The following DLC1 variants were observed in gnomAD, a reference collection of about 807,000 sequenced individuals.
DLC1 encodes rho GTPase-activating protein 7.
Under a neutral mutation model 140.3 loss-of-function variants are expected in DLC1, and 54 were observed. The observed-to-expected ratio is 0.38, with a 90% CI of 0.31 to 0.48. The LOEUF (loss-of-function observed/expected upper bound fraction) is 0.48, where lower values mean the gene tolerates loss of function less well. Among genes scored for constraint, DLC1 ranks in the 20% least tolerant of loss-of-function variants. The probability of loss-of-function intolerance (pLI) is 0.96; values close to 1 mark genes in which losing one functional copy is unlikely to be tolerated. For missense variants in DLC1, 2,536 were observed against 1,907.0 expected (o/e 1.33, Z -6.14); for synonymous variants, 986 against 728.1 (o/e 1.35, Z -5.70).
intron 2 of DLC1, among the ~76,000 whole-genome samples, chr8:13,417,844 C>G (rs1838143358): frequency 6.6e-6 from 1 of 152,042 alleles, no homozygotes; most frequent in Non-Finnish European, 1.5e-5. Flanking sequence ...AAAAGTGTTC[C>G]TATTTCTCCA....
rs150394013 is a variant in DLC1 at position 13,235,214 on chromosome 8, T to C, written c.1348+70055A>G. Among the ~76,000 whole-genome samples the C allele has an allele frequency of 2.3e-3, 343 of 152,206 alleles. 4 individuals carry two copies. The highest frequency in any genetic ancestry group is 5.9e-4 in the Non-Finnish European group (40 of 67,924). On this transcript the variant is annotated intron_variant, in intron 5 of 17. Coordinates refer to ENST00000276297, the MANE Select transcript of DLC1 (RefSeq NM_182643.3). Reference sequence around the variant, plus strand: ...AGGTATGATTATCTTTTACTTCTATTTGGCAGGTGAAAATGAACTACCTAG... The same window carrying C: ...AGGTATGATTATCTTTTACTTCTATCTGGCAGGTGAAAATGAACTACCTAG...
chr8:13,139,146 A>G (rs1822779727), intron 5 of DLC1, among the ~76,000 whole-genome samples: 1 of 151,830 alleles, frequency 6.6e-6, no homozygotes, highest in African/African-American at 2.4e-5. Context: ...AAAAACAATT[A>G]GCTGGGCATG....
chr8:13,394,797 A>T (rs1013564850), intron 3 of DLC1, among the ~76,000 whole-genome samples: 7 of 152,142 alleles, frequency 4.6e-5, no homozygotes, highest in African/African-American at 1.7e-4. Context: ...TGGTGTCTAC[A>T]GGAGGGACTA....
At chr8:13,143,948 G>T (rs7821948) in intron 5 of DLC1, among the ~76,000 whole-genome samples, 3 of 152,228 alleles carry the variant, frequency 2.0e-5, no homozygotes, top group East Asian at 3.9e-4. Flanking sequence ...TTTAAGAGAG[G>T]CTGACCCCAG....
intron 5 of DLC1, among the ~76,000 whole-genome samples, chr8:13,121,545 G>C (rs1821070268): frequency 6.6e-6 from 1 of 152,008 alleles, no homozygotes; most frequent in African/African-American, 2.4e-5. Context: ...GCGCTGGGGA[G>C]TTTTCTTTTC....
At chr8:13,513,604 T>A (rs943745588) in intron 1 of DLC1, among the ~76,000 whole-genome samples, 1 of 152,194 alleles carries the variant, frequency 6.6e-6, no homozygotes, top group African/African-American at 2.4e-5. Context: ...TTATGTACCA[T>A]TTTATTTCTA....
intron 5 of DLC1, among the ~76,000 whole-genome samples, chr8:13,131,433 C>A (rs1248719931): frequency 6.6e-6 from 1 of 152,214 alleles, no homozygotes; most frequent in Non-Finnish European, 1.5e-5. Context: ...TGCCACCAGC[C>A]TAGGCTGCAT....
At chr8:13,263,966 T>C (rs1200977480) in intron 5 of DLC1, among the ~76,000 whole-genome samples, 2 of 151,992 alleles carry the variant, frequency 1.3e-5, no homozygotes, top group African/African-American at 4.8e-5. Context: ...AAGCACATAG[T>C]TGGAAACAAC....
intron 4 of DLC1, among the ~76,000 whole-genome samples, chr8:13,390,066 A>T (rs1397487599): frequency 6.6e-6 from 1 of 152,170 alleles, no homozygotes; most frequent in African/African-American, 2.4e-5. Flanking sequence ...AAATTGTGGG[A>T]GAAAGTATCT....
At chr8:13,250,357 G>A (rs986300278) in intron 5 of DLC1, among the ~76,000 whole-genome samples, 7 of 152,130 alleles carry the variant, frequency 4.6e-5, no homozygotes, top group African/African-American at 1.7e-4. Flanking sequence ...GTTGAAGTCA[G>A]CTGGCCCACA....
intron 2 of DLC1, among the ~76,000 whole-genome samples, chr8:13,442,048 T>C (rs898272328): frequency 2.0e-5 from 3 of 152,082 alleles, no homozygotes; most frequent in Non-Finnish European, 4.4e-5. Context: ...GAAATAATGC[T>C]GCATATCTAC....
chr8:13,427,080 T>C (rs998132389), intron 2 of DLC1, among the ~76,000 whole-genome samples: 1 of 152,182 alleles, frequency 6.6e-6, no homozygotes, highest in Non-Finnish European at 1.5e-5. Flanking sequence ...CTTGTTTTGT[T>C]TTGTCATTTT....
Position 13,204,302 on chromosome 8 carries a change from C to T in DLC1, c.1349-88645G>A, listed in dbSNP as rs371393768. On this transcript the variant is annotated intron_variant, in intron 5 of 17. Coordinates refer to ENST00000276297, the MANE Select transcript of DLC1 (RefSeq NM_182643.3). ...AAAACAGAGAGACGGAGTGCAAAACCAAACTCTGAAAAGAGCAGCTGTCTT... is the reference window on the plus strand; with the variant it reads ...AAAACAGAGAGACGGAGTGCAAAACTAAACTCTGAAAAGAGCAGCTGTCTT... 1.1e-4 allele frequency among the ~76,000 whole-genome samples: 17 copies of T among 152,216 alleles called. No homozygotes were observed. In the South Asian group the frequency reaches 3.5e-3, roughly 32 times the overall value.
chr8:13,474,915 G>C (rs1487196489), intron 2 of DLC1, among the ~76,000 whole-genome samples: 1 of 152,184 alleles, frequency 6.6e-6, no homozygotes, highest in East Asian at 1.9e-4. Context: ...CACTTGCCTT[G>C]TCTCAGATGA....
intron 1 of DLC1, among the ~76,000 whole-genome samples, chr8:13,531,191 A>T (rs1803085373): frequency 6.6e-6 from 1 of 152,174 alleles, no homozygotes; most frequent in African/African-American, 2.4e-5. Context: ...AACTGTGAGA[A>T]ATAAATGTCT....
chr8:13,256,839 T>C (rs2117309745), intron 5 of DLC1, among the ~76,000 whole-genome samples: 1 of 144,692 alleles, frequency 6.9e-6, no homozygotes, highest in Admixed American at 7.1e-5. Flanking sequence ...TGTATACCTA[T>C]GTAACAAACC....
intron 5 of DLC1, among the ~76,000 whole-genome samples, chr8:13,127,836 C>T (rs1414509560): frequency 1.3e-5 from 2 of 152,232 alleles, no homozygotes; most frequent in Non-Finnish European, 2.9e-5. Context: ...CCACAGGACA[C>T]TCAAAGGTGG....
At chr8:13,297,172 T>G (rs1168376656) in intron 5 of DLC1, among the ~76,000 whole-genome samples, 1 of 150,398 alleles carries the variant, frequency 6.6e-6, no homozygotes, top group Non-Finnish European at 1.5e-5. Flanking sequence ...CACAGCCAAC[T>G]TTTCACGGAT....
At chr8:13,425,555 A>G (rs761057164) in intron 2 of DLC1, among the ~76,000 whole-genome samples, 1 of 152,170 alleles carries the variant, frequency 6.6e-6, no homozygotes, top group Non-Finnish European at 1.5e-5. Flanking sequence ...GAGAGACTGT[A>G]TTTGGCAGAA....
Sources: gnomAD v4.1 joint callset for allele counts (sites outside exome capture counted in the v4.1 genomes callset) on GRCh38, gnomAD v4.1.1 for gene constraint, MANE v1.5 for transcripts, NCBI Gene and HGNC (gene_info 2026-07-23, HGNC 2026-07-21) for gene names.